The following ZBTB7C variants were observed in gnomAD, a reference collection of about 807,000 sequenced individuals.
ZBTB7C encodes zinc finger and BTB domain-containing protein 7C.
Under a neutral mutation model 25.7 loss-of-function variants are expected in ZBTB7C, and 8 were observed. That is an observed-to-expected ratio of 0.31 (90% CI 0.18 to 0.56). The LOEUF is 0.56. ZBTB7C is among the 20% of genes least tolerant of loss of function. The pLI is 0.91. For missense variants in ZBTB7C, 824 were observed against 855.2 expected, an observed-to-expected ratio of 0.96 and a Z score of 0.46; for synonymous variants, 394 against 369.0, an observed-to-expected ratio of 1.07 and a Z score of -0.78.
At chr18:48,311,310 C>T (rs913634787) in intron 2 of ZBTB7C, among the ~76,000 whole-genome samples, 11 of 152,086 alleles carry the variant, frequency 7.2e-5, no homozygotes, top group South Asian at 2.1e-4. Context: ...ACAGTACCAT[C>T]GCAAGTGCTT....
chr18:48,263,856 C>T (rs2044238770), intron 2 of ZBTB7C, among the ~76,000 whole-genome samples: 1 of 152,010 alleles, frequency 6.6e-6, no homozygotes, highest in African/African-American at 2.4e-5. Flanking sequence ...CAATATAAGG[C>T]AATAATATAC....
At chr18:48,291,192 C>T (rs1048810243) in intron 2 of ZBTB7C, among the ~76,000 whole-genome samples, 1 of 152,116 alleles carries the variant, frequency 6.6e-6, no homozygotes, top group Admixed American at 6.5e-5. Context: ...TCTCAGCAGC[C>T]TTTAGCCATG....
At chr18:48,066,232 G>A (rs1175274748) in intron 3 of ZBTB7C, among the ~76,000 whole-genome samples, 1 of 152,148 alleles carries the variant, frequency 6.6e-6, no homozygotes, top group Middle Eastern at 3.2e-3. Flanking sequence ...TGTCTCTAGA[G>A]CCCCTATCTG....
intron 2 of ZBTB7C, among the ~76,000 whole-genome samples, chr18:48,193,749 C>T (rs572320762): frequency 2.9e-4 from 44 of 152,332 alleles, no homozygotes; most frequent in African/African-American, 1.0e-3. Context: ...AGGTGGCAGG[C>T]GCGTGGAGTC....
chr18:48,318,047 A>G (rs1486715084), intron 2 of ZBTB7C, among the ~76,000 whole-genome samples: 1 of 152,034 alleles, frequency 6.6e-6, no homozygotes, highest in Non-Finnish European at 1.5e-5. Flanking sequence ...CCAGCCCTTC[A>G]GTCGCCACAC....
At chr18:48,103,097 ATT>A (rs1289014164) in intron 3 of ZBTB7C, among the ~76,000 whole-genome samples, 4 of 72,806 alleles carry the variant, frequency 5.5e-5, no homozygotes, top group Non-Finnish European at 1.0e-4. Context: ...TCTTATATAT[ATT>A]ATATATTTTA....
At chr18:48,243,016 C>A (rs562992539) in intron 2 of ZBTB7C, among the ~76,000 whole-genome samples, 2 of 152,036 alleles carry the variant, frequency 1.3e-5, no homozygotes, top group South Asian at 4.2e-4. Flanking sequence ...ATAATCCTAA[C>A]AATTTGGGAG....
chr18:48,406,727 G>A (rs118066966), intron 1 of ZBTB7C, among the ~76,000 whole-genome samples: 231 of 152,322 alleles, frequency 1.5e-3, no homozygotes, highest in Non-Finnish European at 2.6e-3. Flanking sequence ...GTCCTTGAAA[G>A]CAATCAAACT....
At chr18:48,209,440 T>A (rs2042652220) in intron 2 of ZBTB7C, among the ~76,000 whole-genome samples, 1 of 152,192 alleles carries the variant, frequency 6.6e-6, no homozygotes, top group African/African-American at 2.4e-5. Context: ...TTACCAAAAG[T>A]CAATAATAAA....
At chr18:48,305,082 G>A (rs867377489) in intron 2 of ZBTB7C, among the ~76,000 whole-genome samples, 2 of 152,198 alleles carry the variant, frequency 1.3e-5, no homozygotes, top group South Asian at 2.1e-4. Context: ...CCAGGTGCGC[G>A]GGGCCTGCCA....
At chr18:48,371,624 T>C (rs970628250) in intron 1 of ZBTB7C, among the ~76,000 whole-genome samples, 3 of 152,294 alleles carry the variant, frequency 2.0e-5, no homozygotes, top group Admixed American at 1.3e-4. Context: ...TGCCACATGA[T>C]TGCCAGGGGC....
intron 2 of ZBTB7C, among the ~76,000 whole-genome samples, chr18:48,190,513 C>A (rs984917937): frequency 9.8e-5 from 15 of 152,308 alleles, no homozygotes; most frequent in African/African-American, 3.6e-4. Flanking sequence ...CTAGCAGACA[C>A]TGAAGCAGTG....
rs778209061 is a variant in ZBTB7C, at chr18:48,029,467, G to A, written c.1653C>T (p.Phe551=). ...CGAACAGCTTCATCTGTGTCTCCTC[G>A]AACTGCCGCTCCAGCTCTTGCAGGC... The part of the protein sequence containing the change: ...ALSLQELERQ[F]EETQMKLFGR... The change falls in exon 5 of 5, where the codon TTC becomes TTT. Residue 551 remains phenylalanine, a synonymous_variant. Coordinates refer to ENST00000590800, the MANE Select transcript of ZBTB7C (RefSeq NM_001318841.2). 8 of 1,597,220 alleles carry A rather than the reference G, an allele frequency of 5.0e-6. No homozygotes were observed. Among genetic ancestry groups the A allele is most frequent in the Non-Finnish European group, 6.0e-6 (7 of 1,175,514 alleles).
At chr18:48,401,808 G>A (rs988269409) in intron 1 of ZBTB7C, among the ~76,000 whole-genome samples, 1 of 152,102 alleles carries the variant, frequency 6.6e-6, no homozygotes, top group African/African-American at 2.4e-5. Context: ...TCTCCAGGGA[G>A]TTAAGTGCTC....
chr18:48,372,843 C>T (rs530947916), intron 1 of ZBTB7C, among the ~76,000 whole-genome samples: 4 of 152,244 alleles, frequency 2.6e-5, no homozygotes, highest in Non-Finnish European at 5.9e-5. Flanking sequence ...CATAGAATCC[C>T]CTTACCTCTC....
intron 4 of ZBTB7C, among the ~76,000 whole-genome samples, chr18:48,032,378 G>C (rs1397236008): frequency 7.1e-6 from 1 of 139,938 alleles, no homozygotes; most frequent in East Asian, 2.3e-4. Context: ...GCCTCCCAAA[G>C]TGTTAGGATT....
At chr18:48,315,155 A>G (rs1262533449) in intron 2 of ZBTB7C, among the ~76,000 whole-genome samples, 1 of 152,218 alleles carries the variant, frequency 6.6e-6, no homozygotes, top group Non-Finnish European at 1.5e-5. Context: ...CTCGGAACAC[A>G]GCAACTTCTG....
chr18:48,200,150 C>T (rs921827794), intron 2 of ZBTB7C, among the ~76,000 whole-genome samples: 7 of 152,082 alleles, frequency 4.6e-5, no homozygotes, highest in Admixed American at 2.6e-4. Flanking sequence ...CAGAACTTCA[C>T]GACACTGGGA....
At chr18:48,066,570 C>T (rs1479191407) in intron 3 of ZBTB7C, among the ~76,000 whole-genome samples, 1 of 152,090 alleles carries the variant, frequency 6.6e-6, no homozygotes, top group Admixed American at 6.5e-5. Flanking sequence ...GATATAAATC[C>T]AGGGAGTTGG....
Sources: allele counts gnomAD v4.1 joint callset (sites outside exome capture counted in the v4.1 genomes callset), GRCh38; gene constraint gnomAD v4.1.1; transcripts MANE v1.5; gene names NCBI Gene and HGNC (gene_info 2026-07-23, HGNC 2026-07-21).